The following LRRTM4 variants were observed in gnomAD, a reference collection of about 807,000 sequenced individuals.
The protein encoded by LRRTM4 is leucine-rich repeat transmembrane neuronal protein 4.
In LRRTM4, 25 loss-of-function variants were observed where a neutral mutation model predicts 47.6. The observed-to-expected ratio is 0.53, with a 90% CI of 0.38 to 0.73. LRRTM4 has a LOEUF of 0.73. Ranked by LOEUF, LRRTM4 falls within the 30% of genes least tolerant of loss-of-function variation. The probability of loss-of-function intolerance (pLI) is 0.00; values close to 1 mark genes in which losing one functional copy is unlikely to be tolerated. For synonymous variants in LRRTM4, 311 were observed against 269.5 expected (o/e 1.15, Z -1.51); for missense variants, 638 against 713.4 (o/e 0.89, Z 1.20).
In LRRTM4 at chr2:77,237,073, A is replaced by AT. The variant is rs993225658; in HGVS notation, c.1551+281244dup. On this transcript the variant is annotated intron_variant, in intron 3 of 3. Transcript: ENST00000409884. ...AGGGAGGATTCCCTCCTCCTCCTTGATTTTTTTTTCTTTTGAATAGTTACA... is the reference window on the plus strand; with the variant it reads ...AGGGAGGATTCCCTCCTCCTCCTTGATTTTTTTTTTCTTTTGAATAGTTACA... 3.8e-4 allele frequency among the ~76,000 whole-genome samples: 56 copies of AT among 147,802 alleles called. 1 individual carries two copies. The highest frequency in any genetic ancestry group is 3.6e-3 in the Middle Eastern group (1 of 276).
chr2:76,890,115 A>G lies in LRRTM4; in HGVS notation c.1552-141199T>C, dbSNP rs564837537. Among the ~76,000 whole-genome samples the G allele has an allele frequency of 5.9e-5, 9 of 152,126 alleles. No homozygotes were observed. The East Asian group carries it at 1.5e-3, about 26-fold the overall frequency. On this transcript the variant is annotated intron_variant, in intron 3 of 3. Transcript: ENST00000409884. ...ACACACACTATCAAAAGCAAGACGG[A>G]ATCTGAGATTTTTGGAGTTGGATTT...
At chr2:76,789,160 C>G (rs947868725) in intron 3 of LRRTM4, among the ~76,000 whole-genome samples, 4 of 152,184 alleles carry the variant, frequency 2.6e-5, no homozygotes, top group African/African-American at 9.6e-5. Context: ...AGGGAGCACT[C>G]TCAAGTGGGG....
chr2:77,185,762 T>C (rs1020421672), intron 3 of LRRTM4, among the ~76,000 whole-genome samples: 1 of 152,148 alleles, frequency 6.6e-6, no homozygotes, highest in Admixed American at 6.6e-5. Context: ...AAATGGTTTG[T>C]AGTATCTTGC....
intron 3 of LRRTM4, among the ~76,000 whole-genome samples, chr2:77,242,342 C>T (rs938828168): frequency 5.9e-5 from 9 of 152,028 alleles, no homozygotes; most frequent in African/African-American, 2.2e-4. Context: ...ATTAAAAACT[C>T]CTGTGCATCA....
rs190141241 is a variant in LRRTM4 at position 77,250,205 on chromosome 2, A to T, written c.1551+268113T>A. Among the ~76,000 whole-genome samples, 3 of 152,304 alleles carry T rather than the reference A, an allele frequency of 2.0e-5. No individual in the cohort carries two copies. In the East Asian group the frequency reaches 5.8e-4, roughly 29 times the overall value. On this transcript the variant is annotated intron_variant, in intron 3 of 3. Coordinates refer to ENST00000409884, the MANE Select transcript of LRRTM4 (RefSeq NM_001134745.3). ...CCATGGCAGTGCACAGAAGATGTGT[A>T]GGGCAGTGAAACTATCACGTCATAA...
intron 3 of LRRTM4, among the ~76,000 whole-genome samples, chr2:77,089,797 G>A (rs903134541): frequency 6.6e-6 from 1 of 152,086 alleles, no homozygotes; most frequent in African/African-American, 2.4e-5. Flanking sequence ...CAAATAGCCA[G>A]AAAATGGCAC....
intron 3 of LRRTM4, among the ~76,000 whole-genome samples, chr2:76,813,432 T>C (rs1670804533): frequency 6.6e-6 from 1 of 152,194 alleles, no homozygotes; most frequent in Non-Finnish European, 1.5e-5. Flanking sequence ...AGCCCAAGTC[T>C]GAAGACAATT....
chr2:77,212,359 T>G (rs1043738169), intron 3 of LRRTM4, among the ~76,000 whole-genome samples: 2 of 149,206 alleles, frequency 1.3e-5, no homozygotes, highest in African/African-American at 4.9e-5. Flanking sequence ...ACTCATGATA[T>G]ATATATATAT....
At chr2:77,014,789 G>C (rs1204909424) in intron 3 of LRRTM4, among the ~76,000 whole-genome samples, 4 of 151,988 alleles carry the variant, frequency 2.6e-5, no homozygotes, top group African/African-American at 9.7e-5. Context: ...TGCAGCATGG[G>C]GGACAGAGTG....
intron 3 of LRRTM4, among the ~76,000 whole-genome samples, chr2:76,952,747 T>C (rs1045110311): frequency 6.6e-6 from 1 of 151,912 alleles, no homozygotes; most frequent in Non-Finnish European, 1.5e-5. Flanking sequence ...ACTTGTATGT[T>C]CACCACCGTA....
intron 3 of LRRTM4, among the ~76,000 whole-genome samples, chr2:77,182,577 G>T (rs1216382144): frequency 6.6e-6 from 1 of 152,102 alleles, no homozygotes; most frequent in Non-Finnish European, 1.5e-5. Flanking sequence ...AGCTTAAGGA[G>T]ATTTTGGGCT....
intron 3 of LRRTM4, among the ~76,000 whole-genome samples, chr2:77,240,915 TTTAA>T (rs1675241215): frequency 6.6e-6 from 1 of 151,984 alleles, no homozygotes; most frequent in African/African-American, 2.4e-5. Context: ...GAATACCTAC[TTTAA>T]TTAAGATATG....
At chr2:77,496,136 T>C (rs1262007744) in intron 3 of LRRTM4, among the ~76,000 whole-genome samples, 12 of 151,966 alleles carry the variant, frequency 7.9e-5, no homozygotes, top group Non-Finnish European at 2.9e-5. Context: ...AATGTTTTTA[T>C]GTATTTTTGA....
intron 3 of LRRTM4, among the ~76,000 whole-genome samples, chr2:77,331,691 C>T (rs970404732): frequency 1.3e-5 from 2 of 151,830 alleles, no homozygotes; most frequent in Non-Finnish European, 2.9e-5. Context: ...GTGGTAAGAA[C>T]AGATTTGAAG....
chr2:76,802,546 A>G (rs1675755629), intron 3 of LRRTM4, among the ~76,000 whole-genome samples: 1 of 152,120 alleles, frequency 6.6e-6, no homozygotes, highest in Non-Finnish European at 1.5e-5. Flanking sequence ...ATACTACTAC[A>G]AATGATTCAA....
At chr2:77,029,154 G>A (rs938731380) in intron 3 of LRRTM4, among the ~76,000 whole-genome samples, 1 of 150,068 alleles carries the variant, frequency 6.7e-6, no homozygotes, top group Non-Finnish European at 1.5e-5. Flanking sequence ...TAGTAGACAA[G>A]TTTGATAACG....
chr2:77,125,641 A>G (rs1028697105), intron 3 of LRRTM4, among the ~76,000 whole-genome samples: 1 of 152,164 alleles, frequency 6.6e-6, no homozygotes, highest in African/African-American at 2.4e-5. Context: ...TGTCTCCACA[A>G]TTAAAACCAA....
chr2:77,467,352 T>C (rs1677020645), intron 3 of LRRTM4, among the ~76,000 whole-genome samples: 1 of 152,162 alleles, frequency 6.6e-6, no homozygotes, highest in Non-Finnish European at 1.5e-5. Flanking sequence ...ATCTCTGTCA[T>C]GCAGGACTCA....
At chr2:77,044,396 G>A (rs1458410110) in intron 3 of LRRTM4, among the ~76,000 whole-genome samples, 2 of 151,660 alleles carry the variant, frequency 1.3e-5, no homozygotes, top group East Asian at 3.9e-4. Context: ...ACCTTCTATG[G>A]AAGCTCAAAA....
Sources: allele counts gnomAD v4.1 joint callset (sites outside exome capture counted in the v4.1 genomes callset), GRCh38; gene constraint gnomAD v4.1.1; transcripts MANE v1.5; gene names NCBI Gene and HGNC (gene_info 2026-07-23, HGNC 2026-07-21).